Variants in BAIAP2 observed in about 807,000 individuals in gnomAD.
BAIAP2 encodes BAR/IMD domain-containing adapter protein 2.
BAIAP2 carries 18 observed loss-of-function variants against 63.0 expected under a neutral mutation model. That is an observed-to-expected ratio of 0.29 (90% CI 0.20 to 0.42). BAIAP2 has a LOEUF of 0.42. BAIAP2 is among the 10% of genes least tolerant of loss of function. BAIAP2 has a pLI of 1.00. For synonymous variants in BAIAP2, 386 were observed against 307.6 expected (o/e 1.25, Z -2.67); for missense variants, 610 against 734.3 (o/e 0.83, Z 1.96).
intron 3 of BAIAP2, among the ~76,000 whole-genome samples, chr17:81,081,995 C>T (rs1481272996): frequency 6.6e-6 from 1 of 152,048 alleles, no homozygotes; most frequent in Non-Finnish European, 1.5e-5. Context: ...TGCCAGGGCG[C>T]GTCTTAGGTG....
Position 81,035,280 on chromosome 17 carries a change from T to A in BAIAP2, c.26T>A (p.Met9Lys). MSLSRSEE[M>K]HRLTENVYKT... ...ATGTCTCTGTCTCGCTCAGAGGAGA[T>A]GCACCGGCTCACGGAAAATGTCTAT... The change falls in exon 1 of 14, where the codon ATG becomes AAG. Residue 9 changes from methionine (M) to lysine (K), a missense_variant. Physicochemically the swap from Met to Lys is moderately conservative, Grantham distance 95. This residue lies in a region of BAIAP2 where 389 missense variants were observed against 455.6 expected (regional missense o/e 0.85). Transcript: ENST00000428708. The A allele has an allele frequency of 6.6e-7, 1 of 1,517,720 alleles. No individual in the cohort carries two copies. Among genetic ancestry groups the A allele is most frequent in the East Asian group, 2.8e-5 (1 of 35,764 alleles). The allele number at this position is 1,517,720 out of a possible 1,614,324, so 94.0% of individuals were successfully genotyped here.
Position 81,103,664 on chromosome 17 carries a change from G to A in BAIAP2, c.805G>A (p.Asp269Asn), listed in dbSNP as rs1440633271. The change falls in exon 8 of 14, where the codon GAC (aspartate) becomes AAC (asparagine). Residue 269 changes from aspartate to asparagine, a missense_variant. Physicochemically the swap from Asp to Asn is conservative, Grantham distance 23. Transcript: ENST00000428708. ...SASKSNLVIS[D>N]PIPGAKPLPV... Reference sequence around the variant, plus strand: ...CTCCAAGTCCAACCTGGTCATTTCCGACCCCATTCCGGGGGCCAAGCCCCT... The same window carrying A: ...CTCCAAGTCCAACCTGGTCATTTCCAACCCCATTCCGGGGGCCAAGCCCCT... 5 of 1,601,564 alleles carry A rather than the reference G, an allele frequency of 3.1e-6. No individual in the cohort carries two copies. Among genetic ancestry groups the A allele is most frequent in the Admixed American group, 3.4e-5 (2 of 59,412 alleles).
At chr17:81,056,132 C>T (rs966930315) in intron 2 of BAIAP2, among the ~76,000 whole-genome samples, 1 of 152,216 alleles carries the variant, frequency 6.6e-6, no homozygotes, top group African/African-American at 2.4e-5. Flanking sequence ...GCTCCCGAAT[C>T]AGAGTAGGAA....
At chr17:81,045,465 C>G (rs192584026) in intron 1 of BAIAP2, among the ~76,000 whole-genome samples, 1 of 152,250 alleles carries the variant, frequency 6.6e-6, no homozygotes, top group Admixed American at 6.5e-5. Flanking sequence ...AGGAGCCTGG[C>G]GGGTAGGGCA....
At chr17:81,057,834 T>C (rs1301677364) in intron 2 of BAIAP2, 47 bp from the exon 3 acceptor site, 1 of 1,588,086 alleles carries the variant, frequency 6.3e-7, no homozygotes, top group South Asian at 1.1e-5. Context: ...GGGGGTCTTG[T>C]CTGTCCCTCG....
At chr17:81,089,580 C>CAGGTGGGGGACACT (rs1555673710) in intron 6 of BAIAP2, among the ~76,000 whole-genome samples, 3 of 3,646 alleles carry the variant, frequency 8.2e-4, no homozygotes, top group African/African-American at 2.5e-3. Flanking sequence ...CACCTGTTTC[C>CAGGTGGGGGACACT]CAACGGCTGC....
intron 3 of BAIAP2, among the ~76,000 whole-genome samples, chr17:81,068,088 C>A (rs973493490): frequency 2.6e-5 from 4 of 152,224 alleles, no homozygotes; most frequent in African/African-American, 9.6e-5. Context: ...ACGTGGGTCC[C>A]ATGCACTTTG....
At chr17:81,074,425 CGT>C (rs10580460) in intron 3 of BAIAP2, among the ~76,000 whole-genome samples, 20,796 of 149,778 alleles carry the variant, frequency 0.14, 1,772 homozygotes, top group Admixed American at 0.28. Flanking sequence ...CGTGTGAGTA[CGT>C]GTGTGTATGC....
chr17:81,089,219 G>A (rs950516949), intron 6 of BAIAP2, among the ~76,000 whole-genome samples: 6 of 152,250 alleles, frequency 3.9e-5, no homozygotes. Context: ...TTTGAGGTCT[G>A]TTGGGGGACC....
At chr17:81,038,743 G>A (rs2046650521) in intron 1 of BAIAP2, among the ~76,000 whole-genome samples, 1 of 152,204 alleles carries the variant, frequency 6.6e-6, no homozygotes, top group African/African-American at 2.4e-5. Flanking sequence ...CTCCGTGCCC[G>A]GCTGCCCGGG....
chr17:81,101,732 C>A (rs988892678), intron 7 of BAIAP2, among the ~76,000 whole-genome samples: 19 of 152,254 alleles, frequency 1.2e-4, no homozygotes, highest in African/African-American at 4.6e-4. Flanking sequence ...CCTGGAGAGG[C>A]CCCTCCTGCC....
At chr17:81,104,960 G>T in intron 10 of BAIAP2, 1 of 494,304 alleles carries the variant, frequency 2.0e-6, no homozygotes, top group Non-Finnish European at 3.7e-6. Context: ...CCCTACAGGA[G>T]GGATCTCCCC....
chr17:81,063,127 A>C (rs1310350819), intron 3 of BAIAP2, among the ~76,000 whole-genome samples: 1 of 151,908 alleles, frequency 6.6e-6, no homozygotes, highest in African/African-American at 2.4e-5. Context: ...GGTGAAGGAG[A>C]GGGGCAAAGG....
At chr17:81,088,038 T>C (rs1223015093) in intron 6 of BAIAP2, among the ~76,000 whole-genome samples, 6 of 151,606 alleles carry the variant, frequency 4.0e-5, no homozygotes, top group East Asian at 3.9e-4. Flanking sequence ...GGAGGAGAAA[T>C]AGGTATATGT....
rs775066460 is a variant in BAIAP2 at position 81,035,242 on chromosome 17, G to A, written c.-13G>A. 4.0e-6 allele frequency: 6 copies of A among 1,508,572 alleles called. No individual in the cohort carries two copies. The highest frequency in any genetic ancestry group is 2.8e-5 in the East Asian group (1 of 35,838). 93.4% of individuals were successfully genotyped at this position (1,508,572 alleles called of 1,614,324 possible). A position where few individuals can be genotyped will look rare whatever the true frequency, so the allele number is the denominator to read the frequency against. On this transcript the variant is annotated 5_prime_UTR_variant, in exon 1 of 14. Coordinates refer to ENST00000428708, the MANE Select transcript of BAIAP2 (RefSeq NM_001144888.2). ...CCCCGCTCCGGTCTGTGGTGCAGCC[G>A]GGACCCAGGACCATGTCTCTGTCTC... is the stretch of plus-strand genomic sequence containing the variant.
chr17:81,093,479 G>T (rs911794507), intron 6 of BAIAP2, among the ~76,000 whole-genome samples: 1 of 152,132 alleles, frequency 6.6e-6, no homozygotes, highest in Non-Finnish European at 1.5e-5. Context: ...GGGAGGTGAG[G>T]CAGGTGCAGC....
At chr17:81,072,088 G>A (rs1246150648) in intron 3 of BAIAP2, among the ~76,000 whole-genome samples, 1 of 152,210 alleles carries the variant, frequency 6.6e-6, no homozygotes, top group East Asian at 1.9e-4. Context: ...GTAGGGCTGG[G>A]GTTCCCTGCG....
chr17:81,069,207 G>A (rs530556947), intron 3 of BAIAP2, among the ~76,000 whole-genome samples: 3 of 152,298 alleles, frequency 2.0e-5, no homozygotes, highest in Admixed American at 2.0e-4. Flanking sequence ...TTTATACATT[G>A]GAAGCATTTT....
At chr17:81,066,585 G>A (rs377053781) in intron 3 of BAIAP2, among the ~76,000 whole-genome samples, 4 of 152,196 alleles carry the variant, frequency 2.6e-5, no homozygotes, top group South Asian at 2.1e-4. Context: ...GGCTCCCTCC[G>A]TGTGTGCGGC....
Sources: gnomAD v4.1 joint callset for allele counts (sites outside exome capture counted in the v4.1 genomes callset) on GRCh38, gnomAD v4.1.1 for gene constraint, gnomAD v4.1.1 regional missense constraint, MANE v1.5 for transcripts, NCBI Gene and HGNC (gene_info 2026-07-23, HGNC 2026-07-21) for gene names.